STX7: variants seen among roughly 807,000 people sequenced by gnomAD.
STX7 encodes syntaxin 7.
STX7 carries 34 observed loss-of-function variants against 39.6 expected under a neutral mutation model. The ratio of observed to expected loss-of-function variants is 0.86; its 90% CI spans 0.65 to 1.14. The LOEUF (loss-of-function observed/expected upper bound fraction) is 1.14. Ranked by LOEUF, STX7 falls within the 50% of genes most tolerant of loss-of-function variation. The pLI is 0.00. For synonymous variants in STX7, 119 were observed against 99.1 expected (o/e 1.20, Z -1.19); for missense variants, 284 against 310.4 (o/e 0.92, Z 0.64).
At chr6:132,463,040 A>G (rs1774451061) in intron 9 of STX7, among the ~76,000 whole-genome samples, 1 of 152,022 alleles carries the variant, frequency 6.6e-6, no homozygotes, top group Non-Finnish European at 1.5e-5. Context: ...TGGGCAACAC[A>G]GCAAAACTCT....
chr6:132,470,785 T>C (rs2114376195), intron 5 of STX7, among the ~76,000 whole-genome samples, 159 bp from the exon 6 acceptor site: 1 of 152,024 alleles, frequency 6.6e-6, no homozygotes, highest in Middle Eastern at 3.4e-3. Context: ...AAAGAAGTTC[T>C]TGTTCTAATT....
intron 8 of STX7, among the ~76,000 whole-genome samples, chr6:132,465,194 C>T (rs1774532253): frequency 6.6e-6 from 1 of 152,194 alleles, no homozygotes; most frequent in African/African-American, 2.4e-5. Context: ...TCCTCACCCA[C>T]CCATTTCCAT....
At chr6:132,480,190 G>T (rs113588364) in intron 2 of STX7, among the ~76,000 whole-genome samples, 1 of 151,992 alleles carries the variant, frequency 6.6e-6, no homozygotes, top group South Asian at 2.1e-4. Flanking sequence ...AAAAATTAAC[G>T]GTGTTCCAAG....
chr6:132,452,040 C>T lies in STX7; in HGVS notation c.*8718G>A, dbSNP rs979472140. 29 of 152,086 alleles carry T rather than the reference C, an allele frequency of 1.9e-4. No individual in the cohort carries two copies. The highest frequency in any genetic ancestry group is 6.5e-4 in the African/African-American group (27 of 41,412). The allele number at this position is 152,086 out of a possible 1,614,324, so 9.4% of individuals were successfully genotyped here. ...AAGCTATATATACAAAGATACACCA[C>T]GACCAAGTGGAGTTTATCTCAGGGA... is the stretch of plus-strand genomic sequence containing the variant. On this transcript the variant is annotated 3_prime_UTR_variant, in exon 10 of 10. Transcript: ENST00000367941.
At chr6:132,480,278 G>GA (rs1774984384) in intron 2 of STX7, among the ~76,000 whole-genome samples, 1 of 152,138 alleles carries the variant, frequency 6.6e-6, no homozygotes, top group African/African-American at 2.4e-5. Flanking sequence ...ACGGCCTACT[G>GA]AGACTCAATC....
intron 2 of STX7, among the ~76,000 whole-genome samples, chr6:132,486,074 T>C (rs1582666686): frequency 6.6e-6 from 1 of 152,232 alleles, no homozygotes; most frequent in Non-Finnish European, 1.5e-5. Context: ...ACTTACTAAA[T>C]TGACTTTTTT....
At chr6:132,512,584 T>A (rs1214394178) in intron 1 of STX7, among the ~76,000 whole-genome samples, 1 of 152,190 alleles carries the variant, frequency 6.6e-6, no homozygotes, top group Non-Finnish European at 1.5e-5. Context: ...GGAAGTTTAG[T>A]GTGTTTTTCA....
intron 8 of STX7, 79 bp downstream of exon 8, chr6:132,468,324 C>CAGAA: frequency 1.8e-6 from 2 of 1,111,262 alleles, no homozygotes; most frequent in Admixed American, 3.9e-5. Context: ...AAAGTGGTTA[C>CAGAA]TCTTCTGTGA....
intron 4 of STX7, among the ~76,000 whole-genome samples, chr6:132,472,016 T>C (rs1013440999): frequency 3.9e-5 from 6 of 152,166 alleles, no homozygotes; most frequent in Non-Finnish European, 8.8e-5. Context: ...GGCCAGGAAA[T>C]AATTACTCAG....
At chr6:132,464,675 A>T (rs1774512820) in intron 8 of STX7, among the ~76,000 whole-genome samples, 1 of 152,166 alleles carries the variant, frequency 6.6e-6, no homozygotes, top group Non-Finnish European at 1.5e-5. Flanking sequence ...TTACTGGAGC[A>T]TAATACCTAT....
intron 8 of STX7, 80 bp from the exon 9 acceptor site, chr6:132,464,155 G>C (rs1415291981): frequency 1.5e-6 from 2 of 1,346,030 alleles, no homozygotes; most frequent in East Asian, 2.3e-5. Context: ...TTTCATTCAA[G>C]GTAAGATTAA....
At chr6:132,477,271 C>A (rs1774898390) in intron 2 of STX7, among the ~76,000 whole-genome samples, 1 of 152,136 alleles carries the variant, frequency 6.6e-6, no homozygotes, top group South Asian at 2.1e-4. Flanking sequence ...TCCCTCTCAA[C>A]CTCAACAGAT....
At chr6:132,471,638 C>T (rs759634267) in intron 4 of STX7, 38 bp from the exon 5 acceptor site, 5 of 1,598,398 alleles carry the variant, frequency 3.1e-6, no homozygotes, top group African/African-American at 2.7e-5. Context: ...TAGAATCTAG[C>T]TGTGAAGTTC....
intron 2 of STX7, among the ~76,000 whole-genome samples, chr6:132,501,062 C>CT (rs765134328): frequency 0.053 from 7,614 of 143,648 alleles, 233 homozygotes; most frequent in African/African-American, 0.084. Context: ...CAGTCCCTGT[C>CT]TTTTTTTTTT....
At chr6:132,466,783 T>C (rs149329502) in intron 8 of STX7, among the ~76,000 whole-genome samples, 88 of 152,280 alleles carry the variant, frequency 5.8e-4, no homozygotes, top group African/African-American at 2.1e-3. Flanking sequence ...TCAAAAATGA[T>C]TGATTTATAC....
intron 2 of STX7, among the ~76,000 whole-genome samples, chr6:132,496,045 A>C (rs997285591): frequency 3.3e-5 from 5 of 152,196 alleles, no homozygotes; most frequent in African/African-American, 9.6e-5. Context: ...AGCACTTAAA[A>C]GCTTACGTTC....
chr6:132,500,630 A>G (rs1435961868), intron 2 of STX7, among the ~76,000 whole-genome samples: 1 of 152,226 alleles, frequency 6.6e-6, no homozygotes, highest in Non-Finnish European at 1.5e-5. Flanking sequence ...CTACAATGAG[A>G]GCAGGACCTT....
intron 5 of STX7, 69 bp downstream of exon 5, chr6:132,471,394 C>CT (rs1774716806): frequency 6.6e-7 from 1 of 1,519,352 alleles, no homozygotes; most frequent in African/African-American, 1.4e-5. Context: ...AATTATGCTA[C>CT]TATAGACTTT....
In STX7 at chr6:132,470,019, C is replaced by A. The variant is rs147685020; in HGVS notation, c.469G>T (p.Asp157Tyr). 1.5e-3 allele frequency: 2,432 copies of A among 1,588,082 alleles called. 2 individuals are homozygous for A. The highest frequency in any genetic ancestry group is 2.0e-3 in the Non-Finnish European group (2,313 of 1,172,280). The change falls in exon 7 of 10, where the codon GAT becomes TAT. Residue 157 changes from aspartate to tyrosine, a missense_variant. Transcript: ENST00000367941. ...SQTQPQVQVQ[D>Y]EEITEDDLRL... ...AGGTCATCCTCTGTAATTTCTTCATCCTGCACCTGCACTTGAGGTTGAGTT... is the reference window on the plus strand; with the variant it reads ...AGGTCATCCTCTGTAATTTCTTCATACTGCACCTGCACTTGAGGTTGAGTT...
Sources: gnomAD v4.1 joint callset for allele counts (sites outside exome capture counted in the v4.1 genomes callset) on GRCh38, gnomAD v4.1.1 for gene constraint, MANE v1.5 for transcripts, NCBI Gene and HGNC (gene_info 2026-07-23, HGNC 2026-07-21) for gene names.